The following C4BPB variants were observed in gnomAD, a reference collection of about 807,000 sequenced individuals.
C4BPB encodes the protein complement component 4 binding protein beta, also known as C4b-binding protein beta chain.
In C4BPB, 19 loss-of-function variants were observed where a neutral mutation model predicts 26.6. The observed-to-expected ratio is 0.71, with a 90% CI of 0.50 to 1.05. The LOEUF (loss-of-function observed/expected upper bound fraction) is 1.05. Ranked by LOEUF, C4BPB falls within the 50% of genes least tolerant of loss-of-function variation. The pLI is 0.00. For missense variants in C4BPB, 282 were observed against 302.9 expected (o/e 0.93, Z 0.51); for synonymous variants, 118 against 103.5 (o/e 1.14, Z -0.85).
chr1:207,097,254 C>G (rs1684288798), intron 5 of C4BPB, among the ~76,000 whole-genome samples: 2 of 151,842 alleles, frequency 1.3e-5, no homozygotes. Flanking sequence ...CCTCTGTCAC[C>G]CAGGCTGGAG....
In C4BPB at chr1:207,095,433, C is replaced by T. The variant is rs780156592; in HGVS notation, c.410-1089C>T. 78 of 456,148 alleles carry T rather than the reference C, an allele frequency of 1.7e-4. 2 individuals are homozygous for T. The highest frequency in any genetic ancestry group is 7.3e-4 in the South Asian group (47 of 64,464). The allele number at this position is 456,148 out of a possible 1,614,324, so 28.3% of individuals were successfully genotyped here. A position where few individuals can be genotyped will look rare whatever the true frequency, so the allele number is the denominator to read the frequency against. On this transcript the variant is annotated intron_variant, in intron 4 of 6. Coordinates refer to ENST00000367078, the MANE Select transcript of C4BPB (RefSeq NM_001017365.3). Reference sequence around the variant, plus strand: ...GCAACCTCCACCTCCCAGGTTCAAGCAGTTCTCATGCCTCAGCCTCCCAAG... The same window carrying T: ...GCAACCTCCACCTCCCAGGTTCAAGTAGTTCTCATGCCTCAGCCTCCCAAG...
intron 5 of C4BPB, among the ~76,000 whole-genome samples, chr1:207,097,532 T>G (rs1414541442): frequency 9.7e-6 from 1 of 102,884 alleles, no homozygotes; most frequent in Non-Finnish European, 2.1e-5. Flanking sequence ...CTAAAATGTA[T>G]GTTTTTCTAA....
Position 207,090,388 on chromosome 1 carries a change from T to TAG in C4BPB, c.140_141insGA (p.Tyr47Ter), listed in dbSNP as rs746747445. 1.2e-6 allele frequency: 2 copies of TAG among 1,614,052 alleles called. No individual in the cohort carries two copies. The highest frequency in any genetic ancestry group is 1.7e-6 in the Non-Finnish European group (2 of 1,179,962). ...KEVEGQILGTYVCIKGYHLVG... is the reference protein window; with the variant it reads ...KEVEGQILGT ...GGTGGAAGGACAGATTCTGGGGACTTACGTTTGTATCAAGGGCTACCACCT... is the reference window on the plus strand; with the variant it reads ...GGTGGAAGGACAGATTCTGGGGACTTAGACGTTTGTATCAAGGGCTACCACCT... Residue 47 changes from tyrosine to a stop codon, truncating the protein, a stop_gained and frameshift_variant, in exon 3 of 7, where the codon TAC (tyrosine) becomes TAGAC (stop). Transcript: ENST00000367078. LOFTEE classifies it high-confidence loss of function.
At chr1:207,095,486 G>C (rs1233090863) in intron 4 of C4BPB, 1 of 448,620 alleles carries the variant, frequency 2.2e-6, no homozygotes, top group South Asian at 1.6e-5. Flanking sequence ...GCGCACCCAC[G>C]CTGGGCTAAT....
intron 4 of C4BPB, 186 bp from the exon 5 acceptor site, chr1:207,096,336 A>G: frequency 1.7e-6 from 1 of 597,212 alleles, no homozygotes; most frequent in Non-Finnish European, 3.0e-6. Flanking sequence ...TATGATTTAG[A>G]AGAGAAGGAA....
Position 207,094,309 on chromosome 1 carries a change from T to TA in C4BPB, c.410-2200dup, listed in dbSNP as rs535584743. On this transcript the variant is annotated intron_variant, in intron 4 of 6. Coordinates refer to ENST00000367078, the MANE Select transcript of C4BPB (RefSeq NM_001017365.3). ...TAGACAACACAGTGAGGCCTGTCTC[T>TA]AAAAAAAAAAAAATGAAAAAGAAAT... Among the ~76,000 whole-genome samples, 1,097 of 138,920 alleles carry TA rather than the reference T, an allele frequency of 7.9e-3. 6 individuals carry two copies. The highest frequency in any genetic ancestry group is 0.027 in the Admixed American group (375 of 13,806). The allele number at this position is 138,920 out of a possible 152,430, so 91.1% of individuals were successfully genotyped here.
intron 6 of C4BPB, among the ~76,000 whole-genome samples, chr1:207,098,502 G>A (rs1684345433): frequency 6.6e-6 from 1 of 152,196 alleles, no homozygotes; most frequent in Non-Finnish European, 1.5e-5. Context: ...CCTGTTGGTA[G>A]AAGTTGTTGT....
rs147091927 is a variant in C4BPB, at chr1:207,088,956, G to A, written c.-51+10G>A. On this transcript the variant is annotated intron_variant, in intron 1 of 6. Transcript: ENST00000367078. Reference sequence around the variant, plus strand: ...GGAGGGACAGAGACAGGTAAGGTTAGTTTACTTCCTTGAGCTTTCGTCTTC... The same window carrying A: ...GGAGGGACAGAGACAGGTAAGGTTAATTTACTTCCTTGAGCTTTCGTCTTC... 2,308 of 153,438 alleles carry A rather than the reference G, an allele frequency of 0.015. 19 individuals are homozygous for A. The highest frequency in any genetic ancestry group is 0.041 in the Middle Eastern group (12 of 294). The allele number at this position is 153,438 out of a possible 1,614,324, so 9.5% of individuals were successfully genotyped here. A position where few individuals can be genotyped will look rare whatever the true frequency, so the allele number is the denominator to read the frequency against.
At position 207,099,981 on chromosome 1, in the gene C4BPB, C is replaced by A. The variant is rs1291803496; in HGVS notation, c.*52C>A. ...AATAAACCTATGAATAAATTTTCTT[C>A]TTGGTTCTGAAATTGGTTTCAGATT... is the stretch of plus-strand genomic sequence containing the variant. On this transcript the variant is annotated 3_prime_UTR_variant, in exon 7 of 7. Transcript: ENST00000367078. 1 of 1,535,362 alleles carries A rather than the reference C, an allele frequency of 6.5e-7. No homozygotes were observed. The highest frequency in any genetic ancestry group is 1.8e-4 in the Middle Eastern group (1 of 5,590).
At chr1:207,097,956 C>G (rs1684324371) in intron 5 of C4BPB, 194 bp from the exon 6 acceptor site, 2 of 528,498 alleles carry the variant, frequency 3.8e-6, no homozygotes, top group Admixed American at 6.7e-5. Flanking sequence ...TGGGTCCTCT[C>G]CTACCTCCAG....
chr1:207,092,311 A>G (rs1395544772), intron 4 of C4BPB, among the ~76,000 whole-genome samples: 4 of 152,334 alleles, frequency 2.6e-5, no homozygotes, highest in Non-Finnish European at 1.5e-5. Context: ...AAACAAACAC[A>G]CACAAATAAA....
intron 1 of C4BPB, 186 bp from the exon 2 acceptor site, chr1:207,089,296 C>A: frequency 2.2e-6 from 1 of 460,552 alleles, no homozygotes; most frequent in Non-Finnish European, 3.8e-6. Context: ...ACTCTTTTAC[C>A]ATCCCTTTGT....
Position 207,090,432 on chromosome 1 carries a change from T to C in C4BPB, c.183T>C (p.Leu61=). 1.2e-6 allele frequency: 2 copies of C among 1,614,076 alleles called. No individual in the cohort carries two copies. Among genetic ancestry groups the C allele is most frequent in the Non-Finnish European group, 8.5e-7 (1 of 1,179,962 alleles). ...KGYHLVGKKT[L]FCNASKEWDN... ...ACCACCTGGTAGGAAAGAAGACCCT[T>C]TTTTGCAATGCCTCTAAGGAGTGGG... The change falls in exon 3 of 7, where the codon CTT becomes CTC. Residue 61 remains leucine, a synonymous_variant. Coordinates refer to ENST00000367078, the MANE Select transcript of C4BPB (RefSeq NM_001017365.3).
intron 4 of C4BPB, chr1:207,095,386 A>G: frequency 2.2e-6 from 1 of 456,608 alleles, no homozygotes; most frequent in Non-Finnish European, 4.4e-6. Flanking sequence ...GCTGGAGTGC[A>G]GTGGCAGAAT....
At chr1:207,097,462 C>A (rs1199471813) in intron 5 of C4BPB, among the ~76,000 whole-genome samples, 1 of 149,252 alleles carries the variant, frequency 6.7e-6, no homozygotes, top group Non-Finnish European at 1.5e-5. Context: ...ATCCTCCCAC[C>A]TTGGTTTCCC....
chr1:207,098,282 A>T lies in C4BPB; in HGVS notation c.618+18A>T, dbSNP rs1684339566. On this transcript the variant is annotated intron_variant, in intron 6 of 6. Coordinates refer to ENST00000367078, the MANE Select transcript of C4BPB (RefSeq NM_001017365.3). ...AGGCACTTGTAAGTAGGAGGCTCAT[A>T]TCTGTCTTGTTCACAGCTGGATCTC... 6.9e-7 allele frequency: 1 copy of T among 1,445,638 alleles called. No homozygotes were observed. The allele number at this position is 1,445,638 out of a possible 1,614,324, so 89.6% of individuals were successfully genotyped here.
chr1:207,094,479 A>G lies in C4BPB; in HGVS notation c.410-2043A>G, dbSNP rs1684166192. On this transcript the variant is annotated intron_variant, in intron 4 of 6. Transcript: ENST00000367078. Reference sequence around the variant, plus strand: ...GCATTTTATGTCATTAGCTTGACACAAGTTTAAAGTATTTCCTTATTTCTT... The same window carrying G: ...GCATTTTATGTCATTAGCTTGACACGAGTTTAAAGTATTTCCTTATTTCTT... Among the ~76,000 whole-genome samples the G allele has an allele frequency of 2.0e-5, 3 of 152,320 alleles. No homozygotes were observed. The East Asian group carries it at 5.8e-4, about 29-fold the overall frequency.
chr1:207,090,385 A>G lies in C4BPB; in HGVS notation c.136A>G (p.Thr46Ala). The change falls in exon 3 of 7, where the codon ACT (threonine) becomes GCT (alanine). Residue 46 changes from threonine (T) to alanine (A), a missense_variant. Thr to Ala is a moderately conservative substitution (Grantham distance 58). Coordinates refer to ENST00000367078, the MANE Select transcript of C4BPB (RefSeq NM_001017365.3). ...GGAGGTGGAAGGACAGATTCTGGGG[A>G]CTTACGTTTGTATCAAGGGCTACCA... The part of the protein sequence containing the change: ...AKEVEGQILG[T>A]YVCIKGYHLV... 1 of 1,613,914 alleles carries G rather than the reference A, an allele frequency of 6.2e-7. No homozygotes were observed. The highest frequency in any genetic ancestry group is 8.5e-7 in the Non-Finnish European group (1 of 1,179,900).
intron 4 of C4BPB, 115 bp from the exon 5 acceptor site, chr1:207,096,407 C>T (rs776596888): frequency 2.7e-5 from 19 of 715,598 alleles, no homozygotes; most frequent in Admixed American, 1.6e-4. Context: ...CAGGTGCTGG[C>T]GCAGGTGTTG....
Sources: allele counts gnomAD v4.1 joint callset (sites outside exome capture counted in the v4.1 genomes callset), GRCh38; gene constraint gnomAD v4.1.1; transcripts MANE v1.5; gene names NCBI Gene and HGNC (gene_info 2026-07-23, HGNC 2026-07-21).